Variants in GULP1 observed in about 807,000 individuals in gnomAD.
GULP1 encodes GULP PTB domain containing engulfment adaptor 1, also known as PTB domain-containing engulfment adapter protein 1.
Under a neutral mutation model 40.9 loss-of-function variants are expected in GULP1, and 19 were observed. That is an observed-to-expected ratio of 0.46 (90% CI 0.32 to 0.68). The LOEUF is 0.68. Among genes scored for constraint, GULP1 ranks in the 30% least tolerant of loss-of-function variants. The pLI, the probability that GULP1 is intolerant of heterozygous loss-of-function variation, is 0.03. For synonymous variants in GULP1, 119 were observed against 117.6 expected (o/e 1.01, Z -0.08); for missense variants, 312 against 362.2 (o/e 0.86, Z 1.12).
intron 6 of GULP1, among the ~76,000 whole-genome samples, chr2:188,539,483 G>T (rs1455417538): frequency 6.6e-6 from 1 of 151,992 alleles, no homozygotes; most frequent in African/African-American, 2.4e-5. Flanking sequence ...ATTGTCCATC[G>T]ATGCTTTCTG....
At chr2:188,372,534 G>A (rs1156484183) in intron 1 of GULP1, among the ~76,000 whole-genome samples, 1 of 151,908 alleles carries the variant, frequency 6.6e-6, no homozygotes, top group African/African-American at 2.4e-5. Context: ...TATTTGTATT[G>A]TACTTACAGT....
intron 2 of GULP1, among the ~76,000 whole-genome samples, chr2:188,406,913 A>G (rs1223523122): frequency 6.6e-6 from 1 of 152,140 alleles, no homozygotes; most frequent in Non-Finnish European, 1.5e-5. Context: ...AAAATGAAAA[A>G]TCTCTAATTA....
intron 4 of GULP1, among the ~76,000 whole-genome samples, chr2:188,519,098 C>T (rs751072723): frequency 8.6e-5 from 13 of 151,930 alleles, no homozygotes; most frequent in Non-Finnish European, 1.6e-4. Flanking sequence ...TTAGTTTTAG[C>T]ATGATTGTCC....
At position 188,339,580 on chromosome 2, in the gene GULP1, T is replaced by C. The variant is rs189634886; in HGVS notation, c.-171-44183T>C. 9.9e-5 allele frequency among the ~76,000 whole-genome samples: 15 copies of C among 152,248 alleles called. No individual in the cohort carries two copies. The East Asian group carries it at 1.2e-3, about 12-fold the overall frequency. Reference sequence around the variant, plus strand: ...GTCTCATTGGGGAAGTTTTGAGAAATTGAAGTTAAATCCTCAGCATTTGCA... The same window carrying C: ...GTCTCATTGGGGAAGTTTTGAGAAACTGAAGTTAAATCCTCAGCATTTGCA... On this transcript the variant is annotated intron_variant, in intron 1 of 11. Coordinates refer to ENST00000409830, the MANE Select transcript of GULP1 (RefSeq NM_016315.4).
At chr2:188,521,361 T>G (rs1425863758) in intron 4 of GULP1, among the ~76,000 whole-genome samples, 1 of 152,098 alleles carries the variant, frequency 6.6e-6, no homozygotes, top group Non-Finnish European at 1.5e-5. Flanking sequence ...TTTGGATTGG[T>G]CAGGTTTTAC....
intron 7 of GULP1, among the ~76,000 whole-genome samples, chr2:188,543,670 G>A (rs115648795): frequency 0.012 from 1,813 of 152,134 alleles, 53 homozygotes; most frequent in African/African-American, 0.04. Flanking sequence ...AAAAAACCAA[G>A]ACCAGAGATG....
intron 9 of GULP1, among the ~76,000 whole-genome samples, chr2:188,573,370 T>C (rs1699504576): frequency 6.6e-6 from 1 of 152,232 alleles, no homozygotes; most frequent in Non-Finnish European, 1.5e-5. Context: ...TGAAGATTTA[T>C]TAATGATTCA....
intron 2 of GULP1, among the ~76,000 whole-genome samples, chr2:188,420,505 G>A (rs956141497): frequency 6.6e-6 from 1 of 152,210 alleles, no homozygotes; most frequent in African/African-American, 2.4e-5. Flanking sequence ...GCGAGCAGGA[G>A]CATTACAGCT....
chr2:188,441,673 G>A (rs1392329346), intron 2 of GULP1, among the ~76,000 whole-genome samples: 2 of 152,142 alleles, frequency 1.3e-5, no homozygotes, highest in African/African-American at 4.8e-5. Context: ...TGAGCAATAA[G>A]ATGGAGAAAA....
At position 188,594,059 on chromosome 2, in the gene GULP1, CAT is replaced by C. The variant is rs556590012; in HGVS notation, c.*49_*50del. The C allele has an allele frequency of 2.7e-3, 2,518 of 930,542 alleles. 7 individuals are homozygous for C. Among genetic ancestry groups the C allele is most frequent in the Middle Eastern group, 0.011 (49 of 4,634 alleles). The allele number at this position is 930,542 out of a possible 1,614,324, so 57.6% of individuals were successfully genotyped here. ...TTCATGTTAAATGTGTTTGTATACA[CAT>C]GTCATTTATTATTATTACTTTAAGA... On this transcript the variant is annotated 3_prime_UTR_variant, in exon 12 of 12. Transcript: ENST00000409830.
At chr2:188,351,466 C>T (rs1451038823) in intron 1 of GULP1, among the ~76,000 whole-genome samples, 1 of 151,960 alleles carries the variant, frequency 6.6e-6, no homozygotes, top group African/African-American at 2.4e-5. Flanking sequence ...ATACGTCCCC[C>T]CAAATTTCAA....
chr2:188,393,132 TTGTCTTTC>T (rs2050750790), intron 2 of GULP1, among the ~76,000 whole-genome samples: 1 of 151,940 alleles, frequency 6.6e-6, no homozygotes, highest in Non-Finnish European at 1.5e-5. Flanking sequence ...CATTTTTTTT[TTGTCTTTC>T]TGTCTTGATG....
chr2:188,406,006 T>G (rs1349680642), intron 2 of GULP1, among the ~76,000 whole-genome samples: 2 of 152,342 alleles, frequency 1.3e-5, no homozygotes, highest in East Asian at 3.9e-4. Flanking sequence ...AATACGGTCA[T>G]GTCACTTAAG....
At chr2:188,446,297 G>A (rs1331887138) in intron 2 of GULP1, among the ~76,000 whole-genome samples, 4 of 152,120 alleles carry the variant, frequency 2.6e-5, no homozygotes, top group Non-Finnish European at 4.4e-5. Flanking sequence ...GAAAACACTA[G>A]TGTCCTGGAT....
chr2:188,416,134 A>G (rs1479416214), intron 2 of GULP1, among the ~76,000 whole-genome samples: 1 of 152,052 alleles, frequency 6.6e-6, no homozygotes, highest in Non-Finnish European at 1.5e-5. Flanking sequence ...CTTCAAAATG[A>G]AATTCTTCTT....
chr2:188,348,072 G>A lies in GULP1; in HGVS notation c.-171-35691G>A, dbSNP rs188403171. On this transcript the variant is annotated intron_variant, in intron 1 of 11. Transcript: ENST00000409830. The stretch of plus-strand genomic sequence containing the variant: ...ATGTCAAAGAAATAAAATTCAGTGC[G>A]GAAGTAACTTATTGTGAAACTTTTG... Among the ~76,000 whole-genome samples the A allele has an allele frequency of 2.3e-4, 35 of 152,144 alleles. 1 individual carries two copies. In the East Asian group the frequency reaches 3.7e-3, roughly 16 times the overall value.
chr2:188,440,218 A>T (rs1454358439), intron 2 of GULP1, among the ~76,000 whole-genome samples: 1 of 152,226 alleles, frequency 6.6e-6, no homozygotes, highest in Non-Finnish European at 1.5e-5. Context: ...GGGAAGCTGT[A>T]GCAGTCATTT....
chr2:188,505,244 T>G (rs2063791887), intron 4 of GULP1, among the ~76,000 whole-genome samples: 1 of 151,772 alleles, frequency 6.6e-6, no homozygotes, highest in Non-Finnish European at 1.5e-5. Context: ...AAGTGGTATG[T>G]GTTTTCCTTC....
At chr2:188,477,565 A>G (rs1361374724) in intron 2 of GULP1, 94 bp from the exon 3 acceptor site, 1 of 639,248 alleles carries the variant, frequency 1.6e-6, no homozygotes, top group Admixed American at 3.2e-5. Flanking sequence ...ATTTTTAAAA[A>G]TTTAAAAAGC....
Sources: allele counts gnomAD v4.1 joint callset (sites outside exome capture counted in the v4.1 genomes callset), GRCh38; gene constraint gnomAD v4.1.1; transcripts MANE v1.5; gene names NCBI Gene and HGNC (gene_info 2026-07-23, HGNC 2026-07-21).